Variants in KCNMA1 observed in about 807,000 individuals in gnomAD.
The protein encoded by KCNMA1 is potassium calcium-activated channel subfamily M alpha 1.
KCNMA1 carries 29 observed loss-of-function variants against 140.0 expected under a neutral mutation model. The ratio of observed to expected loss-of-function variants is 0.21; its 90% confidence interval spans 0.15 to 0.28. The LOEUF (loss-of-function observed/expected upper bound fraction) is 0.28, where lower values mean the gene tolerates loss of function less well. Ranked by LOEUF, KCNMA1 falls within the 10% of genes least tolerant of loss-of-function variation. The pLI, the probability that KCNMA1 is intolerant of heterozygous loss-of-function variation, is 1.00. For missense variants in KCNMA1, 880 were observed against 1,602.2 expected (o/e 0.55, Z 7.70); for synonymous variants, 612 against 611.9 (o/e 1.00, Z 0.00).
intron 2 of KCNMA1, among the ~76,000 whole-genome samples, chr10:77,259,897 G>A (rs1353185323): frequency 1.3e-5 from 2 of 152,144 alleles, no homozygotes; most frequent in South Asian, 2.1e-4. Flanking sequence ...TAGTTATCAC[G>A]AAATTCCAAG....
At chr10:76,924,396 A>G (rs2057033721) in intron 23 of KCNMA1, among the ~76,000 whole-genome samples, 1 of 152,156 alleles carries the variant, frequency 6.6e-6, no homozygotes, top group Non-Finnish European at 1.5e-5. Flanking sequence ...CAACTTTCTT[A>G]TGTCTGAGCA....
intron 1 of KCNMA1, among the ~76,000 whole-genome samples, chr10:77,557,409 T>C (rs2064882530): frequency 6.6e-6 from 1 of 152,138 alleles, no homozygotes. Context: ...GTGACAGAAA[T>C]AGGCCTATAA....
At chr10:77,382,978 GTGTGTGTGTGTGTGTGTATA>G (rs1183968766) in intron 2 of KCNMA1, among the ~76,000 whole-genome samples, 30 of 70,942 alleles carry the variant, frequency 4.2e-4, no homozygotes, top group African/African-American at 2.6e-3. Flanking sequence ...GTGTGTGTGT[GTGTGTGTGTGTGTGTGTATA>G]TATATATATA....
intron 9 of KCNMA1, among the ~76,000 whole-genome samples, chr10:77,100,551 A>G (rs2097071769): frequency 6.6e-6 from 1 of 152,184 alleles, no homozygotes; most frequent in Admixed American, 6.5e-5. Flanking sequence ...GACCTCTATA[A>G]TGTTTTAATA....
chr10:76,931,366 T>C (rs191807830), intron 23 of KCNMA1, among the ~76,000 whole-genome samples: 102 of 152,162 alleles, frequency 6.7e-4, no homozygotes, highest in Non-Finnish European at 1.1e-3. Context: ...AATTTGTATA[T>C]AAATATTTAT....
At chr10:77,218,790 G>A (rs918871192) in intron 3 of KCNMA1, among the ~76,000 whole-genome samples, 3 of 152,150 alleles carry the variant, frequency 2.0e-5, no homozygotes, top group Admixed American at 6.6e-5. Flanking sequence ...GGGTTCAAGT[G>A]ATTCTCCTGC....
At chr10:77,585,659 C>T (rs764810341) in intron 1 of KCNMA1, among the ~76,000 whole-genome samples, 3 of 152,140 alleles carry the variant, frequency 2.0e-5, no homozygotes, top group Non-Finnish European at 2.9e-5. Flanking sequence ...AGATCAGATG[C>T]CACCTCCCCT....
At chr10:77,271,641 G>C (rs527709223) in intron 2 of KCNMA1, among the ~76,000 whole-genome samples, 1 of 152,268 alleles carries the variant, frequency 6.6e-6, no homozygotes, top group Admixed American at 6.5e-5. Context: ...AGAAGTAAGT[G>C]CTAAATAAAT....
intron 1 of KCNMA1, among the ~76,000 whole-genome samples, chr10:77,540,007 A>T (rs991851824): frequency 2.6e-5 from 4 of 152,192 alleles, no homozygotes; most frequent in Non-Finnish European, 5.9e-5. Context: ...GTGCAAAAAC[A>T]ACTCCTTCCA....
chr10:77,590,388 G>T (rs1043819925), intron 1 of KCNMA1, among the ~76,000 whole-genome samples: 3 of 152,234 alleles, frequency 2.0e-5, no homozygotes, highest in Non-Finnish European at 4.4e-5. Context: ...GGGCAGGGAG[G>T]CTCAGGCATG....
chr10:77,486,870 C>A lies in KCNMA1; in HGVS notation c.379-82847G>T, dbSNP rs563246990. Among the ~76,000 whole-genome samples, 4 of 152,328 alleles carry A rather than the reference C, an allele frequency of 2.6e-5. No homozygotes were observed. The South Asian group carries it at 8.3e-4, about 32-fold the overall frequency. ...AGGGGTTTCCCTTCCTCCCTAGTCCCCCAGGTTCTGAAGAAAGAAAGGTTC... is the reference window on the plus strand; with the variant it reads ...AGGGGTTTCCCTTCCTCCCTAGTCCACCAGGTTCTGAAGAAAGAAAGGTTC... On this transcript the variant is annotated intron_variant, in intron 1 of 27. Coordinates refer to ENST00000286628, the MANE Select transcript of KCNMA1 (RefSeq NM_001161352.2).
intron 2 of KCNMA1, among the ~76,000 whole-genome samples, chr10:77,268,759 G>C (rs932904657): frequency 6.6e-6 from 1 of 152,142 alleles, no homozygotes; most frequent in African/African-American, 2.4e-5. Flanking sequence ...GGAGCCCATC[G>C]CTTATGGCTA....
chr10:76,928,888 T>G (rs1255513944), intron 23 of KCNMA1, among the ~76,000 whole-genome samples: 2 of 152,048 alleles, frequency 1.3e-5, no homozygotes, highest in Non-Finnish European at 2.9e-5. Flanking sequence ...TTTCTGAAAA[T>G]GGAGACAAAA....
At position 77,330,034 on chromosome 10, in the gene KCNMA1, G is replaced by A. The variant is rs146123494; in HGVS notation, c.540+73828C>T. Among the ~76,000 whole-genome samples, 303 of 152,070 alleles carry A rather than the reference G, an allele frequency of 2.0e-3. 2 individuals are homozygous for A. Among genetic ancestry groups the A allele is most frequent in the African/African-American group, 7.1e-3 (296 of 41,470 alleles). On this transcript the variant is annotated intron_variant, in intron 2 of 27. Transcript: ENST00000286628. The stretch of plus-strand genomic sequence containing the variant: ...TTATTGTTGTTGTTCCAAATTAGAC[G>A]TAACCACATATTGGTTTGCACAGGT...
chr10:77,446,516 C>T (rs767383493), intron 1 of KCNMA1, among the ~76,000 whole-genome samples: 9 of 152,332 alleles, frequency 5.9e-5, no homozygotes, highest in South Asian at 2.1e-4. Flanking sequence ...CTCAAGGCCC[C>T]GGTCAGCCGC....
At chr10:77,529,662 T>C (rs1028322122) in intron 1 of KCNMA1, among the ~76,000 whole-genome samples, 3 of 152,120 alleles carry the variant, frequency 2.0e-5, no homozygotes, top group Non-Finnish European at 4.4e-5. Context: ...AAATTAGTTA[T>C]GAAGAAGGGA....
intron 2 of KCNMA1, among the ~76,000 whole-genome samples, chr10:77,377,560 A>T (rs1198581751): frequency 6.6e-6 from 1 of 152,082 alleles, no homozygotes; most frequent in Non-Finnish European, 1.5e-5. Context: ...TAGCATCCTG[A>T]TCTGCTCTAC....
intron 20 of KCNMA1, among the ~76,000 whole-genome samples, chr10:76,960,530 C>T (rs560598386): frequency 1.4e-5 from 2 of 145,206 alleles, no homozygotes; most frequent in East Asian, 2.0e-4. Flanking sequence ...CAGGGCCAGA[C>T]CCTGTCTAAA....
chr10:77,189,665 A>G (rs549692455), intron 3 of KCNMA1, among the ~76,000 whole-genome samples: 1 of 152,270 alleles, frequency 6.6e-6, no homozygotes, highest in East Asian at 1.9e-4. Context: ...ACAAGATATC[A>G]TTTTGTGAAA....
Sources: gnomAD v4.1 joint callset for allele counts (sites outside exome capture counted in the v4.1 genomes callset) on GRCh38, gnomAD v4.1.1 for gene constraint, MANE v1.5 for transcripts, NCBI Gene and HGNC (gene_info 2026-07-23, HGNC 2026-07-21) for gene names.